The following APP variants were observed in gnomAD, a reference collection of about 807,000 sequenced individuals.
APP encodes the protein amyloid beta precursor protein, also known as amyloid-beta precursor protein.
APP carries 31 observed loss-of-function variants against 101.4 expected under a neutral mutation model. The observed-to-expected ratio is 0.31, with a 90% CI of 0.23 to 0.41. The LOEUF (loss-of-function observed/expected upper bound fraction) is 0.41. Ranked by LOEUF, APP falls within the 10% of genes least tolerant of loss-of-function variation. The pLI is 1.00. For missense variants in APP, 839 were observed against 1,003.7 expected, an observed-to-expected ratio of 0.84 and a Z score of 2.22; for synonymous variants, 366 against 364.4, an observed-to-expected ratio of 1.00 and a Z score of -0.05.
intron 1 of APP, among the ~76,000 whole-genome samples, chr21:26,136,168 G>A (rs145414678): frequency 1.2e-3 from 41 of 34,718 alleles, no homozygotes; most frequent in African/African-American, 5.6e-3. Flanking sequence ...AGAAAAGAAA[G>A]AAAAGAAAGA....
intron 3 of APP, among the ~76,000 whole-genome samples, chr21:26,054,624 T>TG (rs1210790765): frequency 9.5e-6 from 1 of 105,192 alleles, no homozygotes; most frequent in African/African-American, 4.0e-5. Context: ...CCAAAAGTTT[T>TG]TTTTTTTTTT....
intron 11 of APP, among the ~76,000 whole-genome samples, chr21:25,969,932 GAA>G (rs1398674721): frequency 1.5e-4 from 1 of 6,514 alleles, no homozygotes; most frequent in Non-Finnish European, 3.3e-4. Context: ...AAAAGGAAAG[GAA>G]AGGAAAGGAA....
At chr21:26,014,750 C>G (rs1218522094) in intron 6 of APP, among the ~76,000 whole-genome samples, 1 of 152,192 alleles carries the variant, frequency 6.6e-6, no homozygotes, top group Admixed American at 6.5e-5. Context: ...TGGTACTTCT[C>G]CCAGATTAAT....
chr21:25,896,203 G>A (rs965189491), intron 16 of APP, among the ~76,000 whole-genome samples: 3 of 151,954 alleles, frequency 2.0e-5, no homozygotes, highest in Non-Finnish European at 2.9e-5. Flanking sequence ...TGAAAACCAT[G>A]CTTCAAAAAG....
intron 2 of APP, among the ~76,000 whole-genome samples, chr21:26,093,721 A>G (rs919598726): frequency 1.3e-5 from 2 of 152,206 alleles, no homozygotes; most frequent in African/African-American, 4.8e-5. Flanking sequence ...AGTTCCCACC[A>G]GGAAATCTAG....
chr21:26,013,242 G>A (rs147173815), intron 6 of APP, among the ~76,000 whole-genome samples: 2 of 152,210 alleles, frequency 1.3e-5, no homozygotes, highest in East Asian at 1.9e-4. Flanking sequence ...ACTTGAACCC[G>A]GGAGGCAGAG....
chr21:25,975,297 TAA>T (rs1369826507), intron 10 of APP, 69 bp from the exon 11 acceptor site: 1 of 1,595,176 alleles, frequency 6.3e-7, no homozygotes, highest in South Asian at 1.1e-5. Flanking sequence ...TCAAGTCTTC[TAA>T]AAAAGACATC....
intron 5 of APP, among the ~76,000 whole-genome samples, chr21:26,044,299 T>C (rs1161881057): frequency 6.6e-6 from 1 of 152,150 alleles, no homozygotes; most frequent in East Asian, 1.9e-4. Context: ...TGAGGTCCCA[T>C]CTCTTTAAAA....
intron 13 of APP, among the ~76,000 whole-genome samples, chr21:25,949,799 G>T (rs1265000175): frequency 6.6e-6 from 1 of 152,160 alleles, no homozygotes; most frequent in East Asian, 1.9e-4. Flanking sequence ...TTAAGTAGGG[G>T]AAAATTCCAC....
intron 2 of APP, among the ~76,000 whole-genome samples, chr21:26,104,700 T>C (rs1369280818): frequency 3.3e-5 from 5 of 152,200 alleles, no homozygotes; most frequent in East Asian, 3.8e-4. Flanking sequence ...CATGAGACTA[T>C]GAAAGGAGCA....
At chr21:25,882,958 T>C (rs915924113) in intron 17 of APP, among the ~76,000 whole-genome samples, 7 of 152,076 alleles carry the variant, frequency 4.6e-5, no homozygotes, top group African/African-American at 1.4e-4. Flanking sequence ...CCATCTGGCA[T>C]GGATCTGAGC....
chr21:25,926,780 A>T (rs1477279622), intron 13 of APP, among the ~76,000 whole-genome samples: 1 of 152,030 alleles, frequency 6.6e-6, no homozygotes, highest in Non-Finnish European at 1.5e-5. Flanking sequence ...AGCACTTTGG[A>T]ATCATGAGGT....
intron 5 of APP, among the ~76,000 whole-genome samples, chr21:26,041,280 A>T (rs889457129): frequency 6.6e-6 from 1 of 152,192 alleles, no homozygotes; most frequent in Non-Finnish European, 1.5e-5. Flanking sequence ...TTTCCATGTC[A>T]CAATGGAGAG....
chr21:26,034,963 A>T (rs1045707415), intron 5 of APP, among the ~76,000 whole-genome samples: 10 of 152,092 alleles, frequency 6.6e-5, no homozygotes, highest in African/African-American at 2.4e-4. Context: ...AGGATTGAGA[A>T]TAATGAAGAA....
At chr21:26,104,188 A>G (rs908748699) in intron 2 of APP, among the ~76,000 whole-genome samples, 1 of 150,782 alleles carries the variant, frequency 6.6e-6, no homozygotes, top group African/African-American at 2.4e-5. Flanking sequence ...TCTAACAGTT[A>G]TCACCTCCCA....
intron 13 of APP, among the ~76,000 whole-genome samples, chr21:25,912,223 C>T (rs1318634573): frequency 6.6e-6 from 1 of 152,162 alleles, no homozygotes; most frequent in Non-Finnish European, 1.5e-5. Context: ...TGGCAGCCGG[C>T]CAATGTGCTG....
upstream of APP, chr21:26,170,776 C>T: frequency 1.3e-6 from 1 of 784,434 alleles, no homozygotes; most frequent in South Asian, 2.2e-5. Context: ...CTGACGGAGC[C>T]CGAGCGCGGC....
In APP at chr21:25,960,518, T is replaced by C. The variant is rs556748557; in HGVS notation, c.1459-4763A>G. The stretch of plus-strand genomic sequence containing the variant: ...CAGCCTCTGTATAAGGGCGCTGGCT[T>C]TTTTTTAGCTTTTAGTATTTAACTG... On this transcript the variant is annotated intron_variant, in intron 11 of 17. Transcript: ENST00000346798. 2.6e-5 allele frequency among the ~76,000 whole-genome samples: 4 copies of C among 152,168 alleles called. No individual in the cohort carries two copies. In the South Asian group the frequency reaches 8.3e-4, roughly 32 times the overall value.
intron 1 of APP, among the ~76,000 whole-genome samples, chr21:26,146,023 T>C (rs1250321798): frequency 2.6e-5 from 4 of 152,202 alleles, no homozygotes; most frequent in African/African-American, 9.6e-5. Context: ...AATTCCTAGA[T>C]CAAGGGATAT....
Sources: allele counts gnomAD v4.1 joint callset (sites outside exome capture counted in the v4.1 genomes callset), GRCh38; gene constraint gnomAD v4.1.1; transcripts MANE v1.5; gene names NCBI Gene and HGNC (gene_info 2026-07-23, HGNC 2026-07-21).